CCDC178: variants seen among roughly 807,000 people sequenced by gnomAD.
CCDC178 encodes coiled-coil domain containing 178.
In CCDC178, 126 loss-of-function variants were observed where a neutral mutation model predicts 117.4. The observed-to-expected ratio is 1.07, with a 90% CI of 0.93 to 1.24. The LOEUF (loss-of-function observed/expected upper bound fraction) is 1.24, where lower values mean the gene tolerates loss of function less well. Ranked by LOEUF, CCDC178 falls within the 50% of genes most tolerant of loss-of-function variation. The pLI is 0.00. For missense variants in CCDC178, 1,030 were observed against 986.9 expected (o/e 1.04, Z -0.59); for synonymous variants, 283 against 313.4 (o/e 0.90, Z 1.02).
At chr18:33,054,919 C>T (rs1017231880) in intron 21 of CCDC178, among the ~76,000 whole-genome samples, 13 of 152,190 alleles carry the variant, frequency 8.5e-5, no homozygotes, top group Admixed American at 8.5e-4. Context: ...TACTCCACTT[C>T]TCCACACCTC....
At chr18:33,398,228 A>C (rs1021095510) in intron 3 of CCDC178, among the ~76,000 whole-genome samples, 3 of 152,102 alleles carry the variant, frequency 2.0e-5, no homozygotes, top group African/African-American at 4.8e-5. Context: ...TAGATCAATG[A>C]AAAGAAACAG....
intron 20 of CCDC178, among the ~76,000 whole-genome samples, chr18:33,188,601 T>C (rs950973571): frequency 2.0e-5 from 3 of 152,144 alleles, no homozygotes; most frequent in Non-Finnish European, 2.9e-5. Flanking sequence ...GAAAAAGGTC[T>C]CTAGGACTAA....
At chr18:33,041,019 A>G (rs758564600) in intron 21 of CCDC178, among the ~76,000 whole-genome samples, 6 of 151,934 alleles carry the variant, frequency 3.9e-5, no homozygotes, top group Non-Finnish European at 7.4e-5. Flanking sequence ...AGAGCAAGAG[A>G]AAGGAGAAAG....
intron 9 of CCDC178, among the ~76,000 whole-genome samples, chr18:33,342,420 A>G (rs2062828565): frequency 6.6e-6 from 1 of 152,206 alleles, no homozygotes; most frequent in African/African-American, 2.4e-5. Context: ...TGGGATAGAG[A>G]TAATTTCTTA....
At chr18:33,242,188 G>A (rs888012054) in intron 15 of CCDC178, among the ~76,000 whole-genome samples, 3 of 151,814 alleles carry the variant, frequency 2.0e-5, no homozygotes, top group African/African-American at 7.3e-5. Context: ...TCAATAAATG[G>A]TGCTAGGAAA....
At chr18:33,168,166 T>C (rs1277368073) in intron 20 of CCDC178, among the ~76,000 whole-genome samples, 2 of 152,156 alleles carry the variant, frequency 1.3e-5, no homozygotes, top group African/African-American at 2.4e-5. Context: ...CCAGGTCCTA[T>C]GTCCAGCATG....
intron 5 of CCDC178, among the ~76,000 whole-genome samples, chr18:33,384,443 A>T (rs1489439602): frequency 6.6e-6 from 1 of 152,166 alleles, no homozygotes; most frequent in Non-Finnish European, 1.5e-5. Context: ...CAAGGAAAAA[A>T]TGTTAAGGGC....
chr18:33,259,674 C>T (rs2059719173), intron 14 of CCDC178, among the ~76,000 whole-genome samples: 1 of 152,084 alleles, frequency 6.6e-6, no homozygotes, highest in South Asian at 2.1e-4. Flanking sequence ...GTCCCTCTCC[C>T]AACATGTGGG....
intron 20 of CCDC178, among the ~76,000 whole-genome samples, chr18:33,110,233 T>G (rs1254758968): frequency 6.6e-6 from 1 of 151,646 alleles, no homozygotes; most frequent in African/African-American, 2.4e-5. Context: ...TCACTTTTTC[T>G]TACTTATGCT....
intron 15 of CCDC178, among the ~76,000 whole-genome samples, chr18:33,228,219 A>G (rs943587147): frequency 3.3e-5 from 5 of 152,214 alleles, no homozygotes; most frequent in Non-Finnish European, 5.9e-5. Flanking sequence ...TTAGTGAAGA[A>G]TGGTAAGCAA....
At chr18:33,245,166 T>G (rs994209365) in intron 15 of CCDC178, 79 bp downstream of exon 15, 1 of 1,254,106 alleles carries the variant, frequency 8.0e-7, no homozygotes, top group Non-Finnish European at 1.1e-6. Context: ...AAAATCTAAT[T>G]ATCAAGATGA....
chr18:33,012,356 G>A (rs1019146462), intron 21 of CCDC178, among the ~76,000 whole-genome samples: 1 of 152,186 alleles, frequency 6.6e-6, no homozygotes, highest in South Asian at 2.1e-4. Context: ...TCAATCACCA[G>A]GATAAAGTAA....
intron 5 of CCDC178, among the ~76,000 whole-genome samples, chr18:33,385,896 C>T (rs1299489191): frequency 6.6e-6 from 1 of 152,022 alleles, no homozygotes; most frequent in Admixed American, 6.6e-5. Flanking sequence ...AACATCACTT[C>T]AAAAACATGA....
chr18:33,274,043 A>C (rs769432734), intron 12 of CCDC178, among the ~76,000 whole-genome samples: 7 of 151,832 alleles, frequency 4.6e-5, no homozygotes, highest in Non-Finnish European at 8.8e-5. Flanking sequence ...ACAACTCAAT[A>C]AAAAGTGAAA....
At chr18:33,150,115 A>G (rs1405111488) in intron 20 of CCDC178, among the ~76,000 whole-genome samples, 2 of 152,196 alleles carry the variant, frequency 1.3e-5, no homozygotes, top group African/African-American at 4.8e-5. Context: ...TCTTTGACAA[A>G]GCATAAAAAA....
intron 20 of CCDC178, among the ~76,000 whole-genome samples, chr18:33,193,211 C>T (rs1365271237): frequency 3.7e-5 from 5 of 135,302 alleles, no homozygotes; most frequent in Non-Finnish European, 7.7e-5. Flanking sequence ...TGCAGTGAGC[C>T]GAGATCGCGC....
intron 21 of CCDC178, among the ~76,000 whole-genome samples, chr18:33,066,318 T>A (rs994085344): frequency 6.6e-6 from 1 of 151,486 alleles, no homozygotes; most frequent in Non-Finnish European, 1.5e-5. Context: ...AAGGAAAGTA[T>A]AAAACTCACT....
chr18:33,237,446 A>G (rs2059438676), intron 15 of CCDC178, among the ~76,000 whole-genome samples: 1 of 152,332 alleles, frequency 6.6e-6, no homozygotes, highest in South Asian at 2.1e-4. Context: ...CAGCCATGTC[A>G]GAGGCTTGAG....
intron 22 of CCDC178, among the ~76,000 whole-genome samples, chr18:32,946,527 A>AG (rs1297398205): frequency 1.3e-5 from 2 of 152,150 alleles, no homozygotes; most frequent in Non-Finnish European, 2.9e-5. Context: ...AAGTTTCTAT[A>AG]TACTGATCCT....
Sources: gnomAD v4.1 joint callset for allele counts (sites outside exome capture counted in the v4.1 genomes callset) on GRCh38, gnomAD v4.1.1 for gene constraint, MANE v1.5 for transcripts, NCBI Gene and HGNC (gene_info 2026-07-23, HGNC 2026-07-21) for gene names.